PCDH9: variants seen among roughly 807,000 people sequenced by gnomAD.
PCDH9 encodes protocadherin 9.
A neutral mutation model predicts 70.6 loss-of-function variants in PCDH9; 24 were observed. The ratio of observed to expected loss-of-function variants is 0.34; its 90% CI spans 0.25 to 0.48. The LOEUF is 0.48. PCDH9 is among the 20% of genes least tolerant of loss of function. The pLI, the probability that PCDH9 is intolerant of heterozygous loss-of-function variation, is 0.99. For synonymous variants in PCDH9, 562 were observed against 558.5 expected (o/e 1.01, Z -0.09); for missense variants, 1,281 against 1,503.6 (o/e 0.85, Z 2.45).
chr13:67,189,130 A>G (rs928474547), intron 2 of PCDH9, among the ~76,000 whole-genome samples: 1 of 151,892 alleles, frequency 6.6e-6, no homozygotes, highest in East Asian at 1.9e-4. Flanking sequence ...TCCTTCATAT[A>G]TATATATGAA....
chr13:66,423,354 G>C (rs1293248169), intron 4 of PCDH9, among the ~76,000 whole-genome samples: 1 of 146,736 alleles, frequency 6.8e-6, no homozygotes, highest in Non-Finnish European at 1.5e-5. Flanking sequence ...CCAAAACCTG[G>C]CAGAGACACA....
At chr13:66,715,027 G>C (rs1438211282) in intron 3 of PCDH9, among the ~76,000 whole-genome samples, 2 of 152,146 alleles carry the variant, frequency 1.3e-5, no homozygotes, top group African/African-American at 4.8e-5. Flanking sequence ...AAAATGTTAA[G>C]AGTCTTATAG....
At chr13:66,736,890 T>C (rs749406725) in intron 3 of PCDH9, among the ~76,000 whole-genome samples, 2 of 152,204 alleles carry the variant, frequency 1.3e-5, no homozygotes, top group Non-Finnish European at 2.9e-5. Flanking sequence ...TCCAGAGATC[T>C]TTCCCCCGAT....
intron 4 of PCDH9, among the ~76,000 whole-genome samples, chr13:66,351,746 C>A (rs1956294677): frequency 6.6e-6 from 1 of 151,962 alleles, no homozygotes; most frequent in Admixed American, 6.6e-5. Context: ...CAAGCTATAT[C>A]TTCTCAACTC....
chr13:66,405,920 A>G (rs1021845377), intron 4 of PCDH9, among the ~76,000 whole-genome samples: 1 of 19,722 alleles, frequency 5.1e-5, no homozygotes. Context: ...ACATGGAGAC[A>G]TTATGTATAA....
At chr13:66,370,261 C>G (rs76458699) in intron 4 of PCDH9, among the ~76,000 whole-genome samples, 1 of 151,884 alleles carries the variant, frequency 6.6e-6, no homozygotes, top group African/African-American at 2.4e-5. Context: ...AATAGAGTCC[C>G]TGTCTCCCAG....
intron 4 of PCDH9, among the ~76,000 whole-genome samples, chr13:66,337,155 A>G (rs1338630527): frequency 6.6e-6 from 1 of 152,050 alleles, no homozygotes; most frequent in Non-Finnish European, 1.5e-5. Flanking sequence ...AGTAAAAGCA[A>G]TATTTGGTAT....
At chr13:66,443,606 G>C (rs1311491457) in intron 4 of PCDH9, among the ~76,000 whole-genome samples, 1 of 151,682 alleles carries the variant, frequency 6.6e-6, no homozygotes, top group African/African-American at 2.4e-5. Context: ...TAAAACTTTG[G>C]GAAACATGGT....
chr13:66,568,631 C>T (rs1379347687), intron 4 of PCDH9, among the ~76,000 whole-genome samples: 1 of 150,712 alleles, frequency 6.6e-6, no homozygotes, highest in African/African-American at 2.4e-5. Flanking sequence ...ATGATCATGC[C>T]ACTGCAATCC....
intron 4 of PCDH9, among the ~76,000 whole-genome samples, chr13:66,497,999 T>C (rs1029078769): frequency 2.0e-5 from 3 of 151,768 alleles, no homozygotes; most frequent in African/African-American, 7.3e-5. Context: ...TTTGTATTTT[T>C]AGTAGAGATG....
At chr13:66,704,995 T>G (rs2078692990) in intron 3 of PCDH9, among the ~76,000 whole-genome samples, 1 of 152,144 alleles carries the variant, frequency 6.6e-6, no homozygotes, top group Non-Finnish European at 1.5e-5. Flanking sequence ...AAGTTACATT[T>G]GCAAATTTTT....
At chr13:66,451,976 C>T (rs576594627) in intron 4 of PCDH9, among the ~76,000 whole-genome samples, 72 of 152,140 alleles carry the variant, frequency 4.7e-4, no homozygotes, top group Non-Finnish European at 9.4e-4. Context: ...TTTTTAAATC[C>T]GGGCTGAGGT....
Position 67,155,787 on chromosome 13 carries a change from T to A in PCDH9, c.3036+69618A>T, listed in dbSNP as rs189427147. On this transcript the variant is annotated intron_variant, in intron 2 of 4. Transcript: ENST00000377865. The stretch of plus-strand genomic sequence containing the variant: ...GTTTTGTGGGAATAATAATAATAAT[T>A]ATTATTATTATAGTAAAAGCAGTGG... Among the ~76,000 whole-genome samples, 319 of 151,918 alleles carry A rather than the reference T, an allele frequency of 2.1e-3. 1 individual carries two copies. The highest frequency in any genetic ancestry group is 0.012 in the East Asian group (64 of 5,172).
chr13:67,024,558 T>C (rs1480343025), intron 2 of PCDH9, among the ~76,000 whole-genome samples: 2 of 152,142 alleles, frequency 1.3e-5, no homozygotes, highest in Non-Finnish European at 2.9e-5. Flanking sequence ...ACTTATTGTA[T>C]CTGTATGGTG....
At chr13:67,011,076 G>A (rs1472802216) in intron 2 of PCDH9, among the ~76,000 whole-genome samples, 1 of 151,834 alleles carries the variant, frequency 6.6e-6, no homozygotes, top group African/African-American at 2.4e-5. Flanking sequence ...TACAAATTCT[G>A]ACTCTATTAA....
intron 3 of PCDH9, among the ~76,000 whole-genome samples, chr13:66,890,369 CCTGA>C (rs1239976885): frequency 6.6e-6 from 1 of 151,450 alleles, no homozygotes; most frequent in Admixed American, 6.6e-5. Context: ...AGTCATGGAA[CCTGA>C]CTAAGACACT....
chr13:66,941,966 T>C (rs1245433165), intron 2 of PCDH9, among the ~76,000 whole-genome samples: 1 of 151,928 alleles, frequency 6.6e-6, no homozygotes, highest in Non-Finnish European at 1.5e-5. Flanking sequence ...ACACAAAGTA[T>C]ATTATCTGAT....
chr13:66,789,138 T>C (rs918520815), intron 3 of PCDH9, among the ~76,000 whole-genome samples: 1 of 152,216 alleles, frequency 6.6e-6, no homozygotes, highest in African/African-American at 2.4e-5. Context: ...AAGACGTTTA[T>C]AGCTACTGTC....
At chr13:66,346,373 A>G (rs1237952899) in intron 4 of PCDH9, among the ~76,000 whole-genome samples, 1 of 152,216 alleles carries the variant, frequency 6.6e-6, no homozygotes, top group African/African-American at 2.4e-5. Context: ...GCATACAGAC[A>G]TATCTCTACT....
Sources: allele counts gnomAD v4.1 joint callset (sites outside exome capture counted in the v4.1 genomes callset), GRCh38; gene constraint gnomAD v4.1.1; transcripts MANE v1.5; gene names NCBI Gene and HGNC (gene_info 2026-07-23, HGNC 2026-07-21).